RANBP2: variants seen among roughly 807,000 people sequenced by gnomAD.
The protein encoded by RANBP2 is RAN binding protein 2.
In RANBP2, 57 loss-of-function variants were observed where a neutral mutation model predicts 303.6. The observed-to-expected ratio is 0.19, with a 90% CI of 0.15 to 0.23. The LOEUF (loss-of-function observed/expected upper bound fraction) is 0.23. RANBP2 is among the 10% of genes least tolerant of loss of function. The pLI, the probability that RANBP2 is intolerant of heterozygous loss-of-function variation, is 1.00. For missense variants in RANBP2, 3,138 were observed against 3,780.8 expected (o/e 0.83, Z 4.46); for synonymous variants, 1,167 against 1,301.5 (o/e 0.90, Z 2.23).
chr2:108,730,622 G>A, intron 2 of RANBP2, 152 bp from the exon 3 acceptor site: 4 of 1,073,748 alleles, frequency 3.7e-6, no homozygotes, highest in Non-Finnish European at 5.5e-6. Flanking sequence ...ATTTCTATGA[G>A]TACTTCTGAG....
At chr2:109,268,710 A>G in the RANBP2 span, among the ~76,000 whole-genome samples, 1 of 150,952 alleles carries the variant, frequency 6.6e-6, no homozygotes, top group South Asian at 2.1e-4. Context: ...GCAGTGTTCA[A>G]TAAACTGCAT....
chr2:108,767,987 T>C lies in RANBP2; in HGVS notation c.7448T>C (p.Ile2483Thr). ...EETTRERTDV[I>T]QGDDVADATS... ...ACCACAAGAGAGAGGACAGATGTTA[T>C]TCAGGGTGATGATGTAGCAGATGCA... Residue 2483 changes from isoleucine to threonine, a missense_variant, in exon 20 of 29, where the codon ATT (isoleucine) becomes ACT (threonine). Transcript: ENST00000283195. 2.5e-6 allele frequency: 4 copies of C among 1,611,992 alleles called. No individual in the cohort carries two copies. In the South Asian group the frequency reaches 3.3e-5, roughly 13 times the overall value.
At chr2:109,640,353 G>A in the RANBP2 span, among the ~76,000 whole-genome samples, 4 of 152,160 alleles carry the variant, frequency 2.6e-5, no homozygotes, top group African/African-American at 9.6e-5. Context: ...TTAGGAGGCT[G>A]AGACAGGAGA....
chr2:109,421,368 G>A, the RANBP2 span, among the ~76,000 whole-genome samples: 3 of 152,224 alleles, frequency 2.0e-5, no homozygotes, highest in Non-Finnish European at 2.9e-5. Context: ...GAGAGCAAAG[G>A]CCTCCCCTTC....
the RANBP2 span, among the ~76,000 whole-genome samples, chr2:109,133,178 A>C: frequency 6.6e-6 from 1 of 152,324 alleles, no homozygotes; most frequent in South Asian, 2.1e-4. Flanking sequence ...TGTGAGGGTT[A>C]CAAGGAAGGA....
the RANBP2 span, among the ~76,000 whole-genome samples, chr2:108,981,970 C>T: frequency 6.6e-6 from 1 of 152,236 alleles, no homozygotes; most frequent in African/African-American, 2.4e-5. Context: ...AGCCACTGTG[C>T]TAGGTGCCAG....
the RANBP2 span, among the ~76,000 whole-genome samples, chr2:109,671,940 C>T: frequency 6.6e-6 from 1 of 150,504 alleles, no homozygotes; most frequent in Non-Finnish European, 1.5e-5. Flanking sequence ...TTTTTCTCAT[C>T]ACCATCATCT....
chr2:109,535,908 G>T, the RANBP2 span, among the ~76,000 whole-genome samples: 1 of 152,162 alleles, frequency 6.6e-6, no homozygotes, highest in South Asian at 2.1e-4. Flanking sequence ...AGAATTTGGG[G>T]CTTTTAAACC....
At chr2:109,086,884 C>A in the RANBP2 span, among the ~76,000 whole-genome samples, 2 of 152,214 alleles carry the variant, frequency 1.3e-5, no homozygotes, top group African/African-American at 4.8e-5. Flanking sequence ...GCCAAGGCCA[C>A]ATGGAGAGGC....
the RANBP2 span, among the ~76,000 whole-genome samples, chr2:109,213,271 C>T: frequency 6.6e-6 from 1 of 152,234 alleles, no homozygotes; most frequent in Non-Finnish European, 1.5e-5. Flanking sequence ...CTCTTCCTCC[C>T]TCTTTGCCCT....
the RANBP2 span, among the ~76,000 whole-genome samples, chr2:109,639,787 G>A: frequency 1.3e-5 from 2 of 150,058 alleles, no homozygotes; most frequent in African/African-American, 2.4e-5. Context: ...CTTGGCTCAC[G>A]GCAACCTCCA....
the RANBP2 span, among the ~76,000 whole-genome samples, chr2:109,305,460 C>T: frequency 1.3e-5 from 2 of 152,308 alleles, no homozygotes; most frequent in African/African-American, 4.8e-5. Context: ...GTTCTGGCCC[C>T]TGGAGGCTCA....
chr2:109,297,940 AC>A, the RANBP2 span, among the ~76,000 whole-genome samples: 3 of 146,530 alleles, frequency 2.0e-5, no homozygotes, highest in East Asian at 2.1e-4. Context: ...TTCCCCCCCC[AC>A]CACCAGACTA....
chr2:109,408,039 G>C, the RANBP2 span, among the ~76,000 whole-genome samples: 2 of 152,134 alleles, frequency 1.3e-5, no homozygotes, highest in Non-Finnish European at 2.9e-5. Context: ...AGATCCTTGG[G>C]TCTTCTTGGC....
At chr2:108,925,510 G>A in the RANBP2 span, among the ~76,000 whole-genome samples, 3 of 152,222 alleles carry the variant, frequency 2.0e-5, no homozygotes, top group African/African-American at 7.2e-5. Context: ...TCCTGGGCAC[G>A]AGGCACCTTC....
At chr2:109,683,440 A>G in the RANBP2 span, among the ~76,000 whole-genome samples, 1 of 152,066 alleles carries the variant, frequency 6.6e-6, no homozygotes, top group Non-Finnish European at 1.5e-5. Flanking sequence ...TGATCCAGTG[A>G]ACCTTCTGGG....
At chr2:109,627,557 T>C in the RANBP2 span, among the ~76,000 whole-genome samples, 1 of 152,194 alleles carries the variant, frequency 6.6e-6, no homozygotes, top group Non-Finnish European at 1.5e-5. Flanking sequence ...ATTCTGTATA[T>C]ATAATGATGA....
chr2:109,043,196 A>G, the RANBP2 span, among the ~76,000 whole-genome samples: 1 of 152,242 alleles, frequency 6.6e-6, no homozygotes, highest in Non-Finnish European at 1.5e-5. Context: ...CTTCTGAATT[A>G]AGGAATAGCC....
chr2:109,223,333 G>A, the RANBP2 span, among the ~76,000 whole-genome samples: 28 of 152,188 alleles, frequency 1.8e-4, no homozygotes, highest in Non-Finnish European at 3.7e-4. Flanking sequence ...TCCCAGAGCC[G>A]ACAGAGCCAA....
Sources: allele counts gnomAD v4.1 joint callset (sites outside exome capture counted in the v4.1 genomes callset), GRCh38; gene constraint gnomAD v4.1.1; transcripts MANE v1.5; gene names NCBI Gene and HGNC (gene_info 2026-07-23, HGNC 2026-07-21).